The following ATRNL1 variants were observed in gnomAD, a reference collection of about 807,000 sequenced individuals.
The protein encoded by ATRNL1 is attractin-like protein 1.
A neutral mutation model predicts 182.7 loss-of-function variants in ATRNL1; 95 were observed. That is an observed-to-expected ratio of 0.52 (90% CI 0.44 to 0.62). The LOEUF (loss-of-function observed/expected upper bound fraction) is 0.62. Ranked by LOEUF, ATRNL1 falls within the 20% of genes least tolerant of loss-of-function variation. ATRNL1 has a pLI of 0.00. For missense variants in ATRNL1, 1,471 were observed against 1,679.5 expected (o/e 0.88, Z 2.17); for synonymous variants, 576 against 568.3 (o/e 1.01, Z -0.19).
At chr10:115,350,380 T>A (rs1856191013) in intron 19 of ATRNL1, among the ~76,000 whole-genome samples, 1 of 149,692 alleles carries the variant, frequency 6.7e-6, no homozygotes, top group Non-Finnish European at 1.5e-5. Flanking sequence ...TCCTCAATGT[T>A]TTCTTCTAGT....
At chr10:115,172,018 T>C (rs1554885761) in intron 8 of ATRNL1, among the ~76,000 whole-genome samples, 1 of 152,090 alleles carries the variant, frequency 6.6e-6, no homozygotes, top group Non-Finnish European at 1.5e-5. Flanking sequence ...TTGGCTCTTT[T>C]GTGTATGGAC....
chr10:115,873,138 A>C (rs1359166013), intron 28 of ATRNL1, among the ~76,000 whole-genome samples: 2 of 152,210 alleles, frequency 1.3e-5, no homozygotes, highest in South Asian at 2.1e-4. Context: ...AAAGATATTC[A>C]TTTGTCTGTC....
chr10:115,101,216 C>G (rs368213611), intron 1 of ATRNL1, among the ~76,000 whole-genome samples: 295 of 150,964 alleles, frequency 2.0e-3, no homozygotes, highest in African/African-American at 6.8e-3. Flanking sequence ...TTTTTCTTGC[C>G]TTATTTCACT....
At chr10:115,626,621 A>T (rs1403187967) in intron 26 of ATRNL1, among the ~76,000 whole-genome samples, 1 of 152,112 alleles carries the variant, frequency 6.6e-6, no homozygotes. Context: ...TCTACTTTTC[A>T]TCTTATTCAA....
chr10:115,368,697 C>T (rs1171692883), intron 19 of ATRNL1, among the ~76,000 whole-genome samples: 1 of 151,516 alleles, frequency 6.6e-6, no homozygotes, highest in Admixed American at 6.6e-5. Flanking sequence ...TAACTCTCTG[C>T]TTTTGTATAT....
At chr10:115,389,238 G>A (rs967539321) in intron 19 of ATRNL1, among the ~76,000 whole-genome samples, 2 of 151,898 alleles carry the variant, frequency 1.3e-5, no homozygotes, top group Admixed American at 1.3e-4. Flanking sequence ...CGGGTGCGGT[G>A]GCTCACACCT....
At chr10:115,885,373 A>C (rs1951919589) in intron 28 of ATRNL1, among the ~76,000 whole-genome samples, 1 of 152,182 alleles carries the variant, frequency 6.6e-6, no homozygotes, top group Non-Finnish European at 1.5e-5. Context: ...ACCACCAGGG[A>C]TGAGCGGCGC....
chr10:115,116,083 C>A (rs1844473220), intron 1 of ATRNL1, among the ~76,000 whole-genome samples: 1 of 152,028 alleles, frequency 6.6e-6, no homozygotes, highest in Non-Finnish European at 1.5e-5. Flanking sequence ...GCTTTGTTGG[C>A]CAGATGGTCT....
At chr10:115,135,522 A>C (rs1296144167) in intron 5 of ATRNL1, among the ~76,000 whole-genome samples, 1 of 152,228 alleles carries the variant, frequency 6.6e-6, no homozygotes. Context: ...ACCACTGCTC[A>C]ACGAAATAAA....
intron 2 of ATRNL1, among the ~76,000 whole-genome samples, chr10:115,121,035 G>A (rs1465140725): frequency 6.6e-6 from 1 of 152,022 alleles, no homozygotes; most frequent in Non-Finnish European, 1.5e-5. Flanking sequence ...ACAACAAAAT[G>A]CACCCATTTT....
intron 19 of ATRNL1, among the ~76,000 whole-genome samples, chr10:115,359,447 G>A (rs1475565618): frequency 2.6e-5 from 4 of 151,474 alleles, no homozygotes; most frequent in Non-Finnish European, 5.9e-5. Context: ...TACAGGAAGA[G>A]GCAAAAAGTA....
chr10:115,721,729 G>A (rs1427601190), intron 26 of ATRNL1, among the ~76,000 whole-genome samples: 1 of 152,130 alleles, frequency 6.6e-6, no homozygotes, highest in Non-Finnish European at 1.5e-5. Flanking sequence ...AGATTTGGGT[G>A]GGGACACAGT....
intron 20 of ATRNL1, among the ~76,000 whole-genome samples, chr10:115,408,152 C>T (rs1226566238): frequency 3.3e-5 from 5 of 151,206 alleles, no homozygotes; most frequent in Admixed American, 6.6e-5. Flanking sequence ...TACAGGCGCC[C>T]GCCACCGCGC....
intron 19 of ATRNL1, among the ~76,000 whole-genome samples, chr10:115,360,750 G>T (rs897762876): frequency 1.3e-5 from 2 of 151,584 alleles, no homozygotes; most frequent in African/African-American, 4.8e-5. Flanking sequence ...TGCCATGGTG[G>T]ATTCCTGCAC....
At chr10:115,366,116 G>T (rs1273846445) in intron 19 of ATRNL1, among the ~76,000 whole-genome samples, 6 of 151,834 alleles carry the variant, frequency 4.0e-5, no homozygotes, top group Non-Finnish European at 8.8e-5. Context: ...TTGACAGTGG[G>T]GTGTTAAAGT....
At chr10:115,299,485 T>C (rs891452734) in intron 15 of ATRNL1, among the ~76,000 whole-genome samples, 1 of 152,104 alleles carries the variant, frequency 6.6e-6, no homozygotes, top group Non-Finnish European at 1.5e-5. Flanking sequence ...CCAGATTTAT[T>C]TGTAGACGTC....
chr10:115,504,568 A>G (rs1850011635), intron 24 of ATRNL1, among the ~76,000 whole-genome samples: 1 of 152,080 alleles, frequency 6.6e-6, no homozygotes, highest in South Asian at 2.1e-4. Flanking sequence ...TTTATAGCCA[A>G]ATTTTGACAC....
At chr10:115,331,745 A>G (rs1242702444) in intron 18 of ATRNL1, among the ~76,000 whole-genome samples, 1 of 152,012 alleles carries the variant, frequency 6.6e-6, no homozygotes, top group Admixed American at 6.5e-5. Flanking sequence ...TATTCTGAGC[A>G]TACTGACTCT....
intron 26 of ATRNL1, among the ~76,000 whole-genome samples, chr10:115,644,343 C>A (rs1469795733): frequency 6.6e-6 from 1 of 152,146 alleles, no homozygotes; most frequent in African/African-American, 2.4e-5. Context: ...GCCAACCTTA[C>A]CTTAACTACG....
Sources: allele counts gnomAD v4.1 joint callset (sites outside exome capture counted in the v4.1 genomes callset), GRCh38; gene constraint gnomAD v4.1.1; transcripts MANE v1.5; gene names NCBI Gene and HGNC (gene_info 2026-07-23, HGNC 2026-07-21).